Variants in SLC7A5 observed in about 807,000 individuals in gnomAD.
The protein encoded by SLC7A5 is large neutral amino acids transporter small subunit 1.
In SLC7A5, 23 loss-of-function variants were observed where a neutral mutation model predicts 50.2. That is an observed-to-expected ratio of 0.46 (90% CI 0.33 to 0.65). The LOEUF is 0.65. SLC7A5 is among the 30% of genes least tolerant of loss of function. The pLI, the probability that SLC7A5 is intolerant of heterozygous loss-of-function variation, is 0.02. For missense variants in SLC7A5, 578 were observed against 684.4 expected, an observed-to-expected ratio of 0.84 and a Z score of 1.73; for synonymous variants, 393 against 330.6, an observed-to-expected ratio of 1.19 and a Z score of -2.05.
intron 2 of SLC7A5, among the ~76,000 whole-genome samples, chr16:87,847,189 C>A (rs970935545): frequency 2.6e-5 from 4 of 152,328 alleles, no homozygotes; most frequent in African/African-American, 9.6e-5. Context: ...AGGGGGGCTT[C>A]TCAGTCCACG....
chr16:87,858,150 G>T (rs1006518455), intron 1 of SLC7A5, among the ~76,000 whole-genome samples: 1 of 152,172 alleles, frequency 6.6e-6, no homozygotes, highest in African/African-American at 2.4e-5. Context: ...CAGGCCACCC[G>T]GTGCTGAAAT....
intron 3 of SLC7A5, 118 bp from the exon 4 acceptor site, chr16:87,840,591 G>C (rs1254306958): frequency 2.3e-6 from 2 of 858,710 alleles, no homozygotes; most frequent in Admixed American, 3.7e-5. Flanking sequence ...TGCTCGCTGG[G>C]CTGGAAAGCG....
In SLC7A5 at chr16:87,852,779, C is replaced by T. The variant is rs4843720; in HGVS notation, c.539-930G>A. ...TTGGGGGGTTCTGTTGCAATATGTG[C>T]GCACGCTGAGCCACTATTCAGGGAT... On this transcript the variant is annotated intron_variant, in intron 1 of 9. Transcript: ENST00000261622. The surrounding 1 kb of genome is among the most constrained non-coding windows in gnomAD (Gnocchi z 4.5). Among the ~76,000 whole-genome samples the T allele has an allele frequency of 6.0e-5, 9 of 150,832 alleles. No individual in the cohort carries two copies. Among genetic ancestry groups the T allele is most frequent in the Admixed American group, 1.3e-4 (2 of 15,158 alleles).
chr16:87,868,115 CAA>C (rs11372656), intron 1 of SLC7A5, among the ~76,000 whole-genome samples: 21 of 80,332 alleles, frequency 2.6e-4, no homozygotes, highest in Admixed American at 7.4e-4. Flanking sequence ...GACTCAGTGT[CAA>C]AAAAAAAAAA....
At chr16:87,836,006 G>C (rs1237438959) in intron 8 of SLC7A5, among the ~76,000 whole-genome samples, 1 of 152,196 alleles carries the variant, frequency 6.6e-6, no homozygotes, top group Non-Finnish European at 1.5e-5. Flanking sequence ...TCTGCTGGAC[G>C]GCCCCGTTTT....
rs570999199 is a variant in SLC7A5 at position 87,861,014 on chromosome 16, G to C, written c.538+7871C>G. ...CCAGTATCAGGGAAGGAGACGCTGTGGGGGGCCCTCCTGTTGGAAAAGGGC... is the reference window on the plus strand; with the variant it reads ...CCAGTATCAGGGAAGGAGACGCTGTCGGGGGCCCTCCTGTTGGAAAAGGGC... On this transcript the variant is annotated intron_variant, in intron 1 of 9. Coordinates refer to ENST00000261622, the MANE Select transcript of SLC7A5 (RefSeq NM_003486.7). This position sits in a 1 kb window ranked among gnomAD's most constrained non-coding sequence, Gnocchi z 4.2. Among the ~76,000 whole-genome samples the C allele has an allele frequency of 6.6e-6, 1 of 152,198 alleles. No individual in the cohort carries two copies. The highest frequency in any genetic ancestry group is 6.5e-5 in the Admixed American group (1 of 15,284).
chr16:87,854,067 C>A (rs1362595161), intron 1 of SLC7A5: 2 of 84,406 alleles, frequency 2.4e-5, no homozygotes, highest in South Asian at 6.5e-4. Flanking sequence ...GGCCAGGACC[C>A]CCCCGCCCCC....
In SLC7A5 at chr16:87,860,107, C is replaced by T. The variant is rs542469199; in HGVS notation, c.539-8258G>A. Among the ~76,000 whole-genome samples the T allele has an allele frequency of 4.6e-5, 7 of 151,944 alleles. No individual in the cohort carries two copies. The highest frequency in any genetic ancestry group is 1.9e-4 in the East Asian group (1 of 5,150). ...CAGCACTTTGGGAAGCCAAGGTGGG[C>T]GGATCACCTGAGATCAAGAGTTCGA... On this transcript the variant is annotated intron_variant, in intron 1 of 9. Coordinates refer to ENST00000261622, the MANE Select transcript of SLC7A5 (RefSeq NM_003486.7). This position sits in a 1 kb window ranked among gnomAD's most constrained non-coding sequence, Gnocchi z 4.8.
rs11541881 is a variant in SLC7A5 at position 87,834,535 on chromosome 16, G to C, written c.1347C>G (p.Val449=). 4,058 of 1,599,234 alleles carry C rather than the reference G, an allele frequency of 2.5e-3. 142 individuals are homozygous for C. In the Admixed American group the frequency reaches 0.06, roughly 24 times the overall value. Residue 449 remains valine (V), a synonymous_variant, in exon 9 of 10, where the codon GTC becomes GTG. Coordinates refer to ENST00000261622, the MANE Select transcript of SLC7A5 (RefSeq NM_003486.7). The part of the protein sequence containing the change: ...FILACLFLIA[V]SFWKTPVECG... ...ACTCCACGGGTGTCTTCCAGAAGGAGACGGCGATCAGGAAGAGGCAGGCCA... is the reference window on the plus strand; with the variant it reads ...ACTCCACGGGTGTCTTCCAGAAGGACACGGCGATCAGGAAGAGGCAGGCCA...
At chr16:87,842,064 G>C (rs917401453) in intron 2 of SLC7A5, among the ~76,000 whole-genome samples, 3 of 152,188 alleles carry the variant, frequency 2.0e-5, no homozygotes, top group Admixed American at 2.0e-4. Context: ...CCAGACATCA[G>C]TCTCACAGAC....
chr16:87,861,097 C>A lies in SLC7A5; in HGVS notation c.538+7788G>T, dbSNP rs914219332. Among the ~76,000 whole-genome samples the A allele has an allele frequency of 6.6e-6, 1 of 152,208 alleles. No homozygotes were observed. The highest frequency in any genetic ancestry group is 1.5e-5 in the Non-Finnish European group (1 of 68,018). On this transcript the variant is annotated intron_variant, in intron 1 of 9. Coordinates refer to ENST00000261622, the MANE Select transcript of SLC7A5 (RefSeq NM_003486.7). This position sits in a 1 kb window ranked among gnomAD's most constrained non-coding sequence, Gnocchi z 4.2. ...CTGGGGAGCGTGCGGGCACACAGTA[C>A]CAATCTGCATGCATACACGTGTCCT...
At chr16:87,855,707 G>A (rs2055308645) in intron 1 of SLC7A5, among the ~76,000 whole-genome samples, 2 of 152,112 alleles carry the variant, frequency 1.3e-5, no homozygotes, top group African/African-American at 4.8e-5. Context: ...ATCCCCCAGG[G>A]TCCAGTGTTG....
At chr16:87,854,965 G>C (rs113524243) in intron 1 of SLC7A5, among the ~76,000 whole-genome samples, 173 of 152,358 alleles carry the variant, frequency 1.1e-3, no homozygotes, top group African/African-American at 3.8e-3. Flanking sequence ...GGTGGGCATT[G>C]ACAGCAAGGC....
intron 1 of SLC7A5, among the ~76,000 whole-genome samples, chr16:87,867,302 C>T (rs1166464824): frequency 2.0e-5 from 3 of 152,162 alleles, no homozygotes; most frequent in African/African-American, 4.8e-5. Flanking sequence ...CCGACATGTA[C>T]CTAGGCGGGA....
Position 87,852,247 on chromosome 16 carries a change from C to T in SLC7A5, c.539-398G>A, listed in dbSNP as rs2055237171. The stretch of plus-strand genomic sequence containing the variant: ...TACACCTTTTTGTACCTACTCAGCA[C>T]CCTGACCTGACTGTGAGACCCACGC... On this transcript the variant is annotated intron_variant, in intron 1 of 9. Coordinates refer to ENST00000261622, the MANE Select transcript of SLC7A5 (RefSeq NM_003486.7). The surrounding 1 kb of genome is among the most constrained non-coding windows in gnomAD (Gnocchi z 4.5). Among the ~76,000 whole-genome samples, 3 of 152,166 alleles carry T rather than the reference C, an allele frequency of 2.0e-5. No individual in the cohort carries two copies. The South Asian group carries it at 6.2e-4, about 32-fold the overall frequency.
rs2055508167 is a variant in SLC7A5, at chr16:87,869,506, G to A, written c.-84C>T. The A allele has an allele frequency of 1.2e-5, 13 of 1,058,292 alleles. No individual in the cohort carries two copies. Among genetic ancestry groups the A allele is most frequent in the South Asian group, 9.0e-5 (2 of 22,238 alleles). 65.6% of individuals were successfully genotyped at this position (1,058,292 alleles called of 1,614,324 possible). On this transcript the variant is annotated 5_prime_UTR_variant, in exon 1 of 10. It adds an upstream start codon to the 5' untranslated region. Transcript: ENST00000261622. ...CGCGCCGCCCGCCGCCCGCAGCTGC[G>A]TCAGGAACCCCGCCCGCGCCGCCTT... is the stretch of plus-strand genomic sequence containing the variant.
chr16:87,847,647 G>A (rs1042879860), intron 2 of SLC7A5, among the ~76,000 whole-genome samples: 5 of 152,238 alleles, frequency 3.3e-5, no homozygotes, highest in East Asian at 3.9e-4. Flanking sequence ...CTGTCCACCC[G>A]AACGCACCTT....
At position 87,869,451 on chromosome 16, in the gene SLC7A5, C is replaced by T. The variant is rs985685336; in HGVS notation, c.-29G>A. Reference sequence around the variant, plus strand: ...CTGCGCACCGGCCGGGCCTGGGACACCCGGGAGCCGCGGCCCAGCGAGCAG... The same window carrying T: ...CTGCGCACCGGCCGGGCCTGGGACATCCGGGAGCCGCGGCCCAGCGAGCAG... On this transcript the variant is annotated 5_prime_UTR_variant, in exon 1 of 10. In the 5' UTR this introduces an upstream ATG that the reference lacks. Transcript: ENST00000261622. 3.6e-5 allele frequency: 49 copies of T among 1,353,524 alleles called. No homozygotes were observed. Among genetic ancestry groups the T allele is most frequent in the Non-Finnish European group, 3.9e-5 (41 of 1,061,506 alleles). The allele number at this position is 1,353,524 out of a possible 1,614,324, so 83.8% of individuals were successfully genotyped here. A position where few individuals can be genotyped will look rare whatever the true frequency, so the allele number is the denominator to read the frequency against.
rs1335448244 is a variant in SLC7A5, at chr16:87,860,584, G to A, written c.538+8301C>T. On this transcript the variant is annotated intron_variant, in intron 1 of 9. Transcript: ENST00000261622. The surrounding 1 kb of genome is among the most constrained non-coding windows in gnomAD (Gnocchi z 4.8). ...CTCCAGCTGTGGCCCACCCCCTGGG[G>A]CACATGTCCTCAGGGCCTCCAGGCC... is the stretch of plus-strand genomic sequence containing the variant. 6.6e-6 allele frequency among the ~76,000 whole-genome samples: 1 copy of A among 152,052 alleles called. No homozygotes were observed. Among genetic ancestry groups the A allele is most frequent in the Non-Finnish European group, 1.5e-5 (1 of 68,028 alleles).
Sources: gnomAD v4.1 joint callset for allele counts (sites outside exome capture counted in the v4.1 genomes callset) on GRCh38, gnomAD v4.1.1 for gene constraint, Gnocchi (gnomAD v3.1) non-coding constraint, MANE v1.5 for transcripts, NCBI Gene and HGNC (gene_info 2026-07-23, HGNC 2026-07-21) for gene names.